The following FRS2 variants were observed in gnomAD, a reference collection of about 807,000 sequenced individuals.
FRS2 encodes FGFR signalling adaptor.
FRS2 carries 8 observed loss-of-function variants against 43.9 expected under a neutral mutation model. That is an observed-to-expected ratio of 0.18 (90% CI 0.11 to 0.33). The LOEUF (loss-of-function observed/expected upper bound fraction) is 0.33, where lower values mean the gene tolerates loss of function less well. FRS2 is among the 10% of genes least tolerant of loss of function. The pLI is 1.00. For synonymous variants in FRS2, 219 were observed against 220.3 expected (o/e 0.99, Z 0.05); for missense variants, 534 against 627.6 (o/e 0.85, Z 1.59).
chr12:69,478,840 G>A (rs890189503), intron 1 of FRS2, among the ~76,000 whole-genome samples: 4 of 151,606 alleles, frequency 2.6e-5, no homozygotes, highest in African/African-American at 9.7e-5. Flanking sequence ...TTTGATGGCC[G>A]TTCATGTTTC....
At chr12:69,554,695 A>G (rs570672684) in intron 3 of FRS2, among the ~76,000 whole-genome samples, 24 of 152,166 alleles carry the variant, frequency 1.6e-4, no homozygotes, top group Admixed American at 1.0e-3. Flanking sequence ...AGGGATACAT[A>G]TTGCATTTAG....
chr12:69,500,650 A>G (rs1245103373), intron 1 of FRS2, among the ~76,000 whole-genome samples: 1 of 152,212 alleles, frequency 6.6e-6, no homozygotes, highest in African/African-American at 2.4e-5. Context: ...ACATTTGTAG[A>G]TACAGGCTTA....
chr12:69,525,713 T>A (rs1026084541), intron 1 of FRS2, among the ~76,000 whole-genome samples: 39 of 152,168 alleles, frequency 2.6e-4, no homozygotes, highest in African/African-American at 8.4e-4. Context: ...GGAGATTATT[T>A]TTTTTTTTTA....
At chr12:69,517,347 G>A (rs1455994301) in intron 1 of FRS2, among the ~76,000 whole-genome samples, 1 of 152,052 alleles carries the variant, frequency 6.6e-6, no homozygotes, top group Non-Finnish European at 1.5e-5. Context: ...TTTAGACTTG[G>A]TCTCATTCCC....
At chr12:69,476,761 G>T (rs1870818212) in intron 1 of FRS2, among the ~76,000 whole-genome samples, 4 of 144,982 alleles carry the variant, frequency 2.8e-5, no homozygotes, top group African/African-American at 7.7e-5. Context: ...GACGGGGGGG[G>T]GTGTGGGGGT....
At chr12:69,472,543 C>T (rs933066532) in intron 1 of FRS2, among the ~76,000 whole-genome samples, 10 of 152,104 alleles carry the variant, frequency 6.6e-5, no homozygotes, top group Non-Finnish European at 1.3e-4. Flanking sequence ...GCAGGTATGA[C>T]AATGTATTTT....
intron 1 of FRS2, among the ~76,000 whole-genome samples, chr12:69,493,617 T>A (rs221100): frequency 0.61 from 92,479 of 152,014 alleles, 29,988 homozygotes; most frequent in African/African-American, 0.85. Context: ...GTTACTTGGG[T>A]GGCTGAGGCA....
intron 1 of FRS2, among the ~76,000 whole-genome samples, chr12:69,519,561 C>A (rs1875416046): frequency 1.3e-5 from 2 of 150,320 alleles, no homozygotes; most frequent in Admixed American, 1.3e-4. Flanking sequence ...TCCTCCCACC[C>A]TCCACCCTCT....
chr12:69,568,038 G>A (rs1269523455), intron 4 of FRS2, among the ~76,000 whole-genome samples: 2 of 151,870 alleles, frequency 1.3e-5, no homozygotes, highest in East Asian at 3.9e-4. Context: ...TTCATATATT[G>A]TCATATTCTA....
At chr12:69,535,199 AAGGAC>A (rs1282754736) in intron 3 of FRS2, among the ~76,000 whole-genome samples, 2 of 152,218 alleles carry the variant, frequency 1.3e-5, no homozygotes. Context: ...ATAATGATTC[AAGGAC>A]AGTGAGAATG....
intron 3 of FRS2, among the ~76,000 whole-genome samples, chr12:69,553,004 A>C (rs1424990155): frequency 1.3e-5 from 2 of 152,200 alleles, no homozygotes; most frequent in Non-Finnish European, 2.9e-5. Context: ...CAAATAATTA[A>C]AAATTATTTT....
chr12:69,495,840 G>A (rs1459105099), intron 1 of FRS2, among the ~76,000 whole-genome samples: 2 of 152,152 alleles, frequency 1.3e-5, no homozygotes, highest in Non-Finnish European at 2.9e-5. Flanking sequence ...GGCTCATAGG[G>A]AGGATTGATT....
At chr12:69,560,624 G>A (rs1322322092) in intron 3 of FRS2, among the ~76,000 whole-genome samples, 2 of 152,150 alleles carry the variant, frequency 1.3e-5, no homozygotes, top group Admixed American at 1.3e-4. Context: ...AATAATGGTA[G>A]TATGTACCTG....
chr12:69,573,584 T>C (rs1216729177), intron 8 of FRS2, among the ~76,000 whole-genome samples: 1 of 152,158 alleles, frequency 6.6e-6, no homozygotes, highest in Non-Finnish European at 1.5e-5. Flanking sequence ...TGCCTCAGCC[T>C]CCAGAGTAGC....
intron 1 of FRS2, among the ~76,000 whole-genome samples, chr12:69,505,377 C>T (rs1233737075): frequency 6.6e-6 from 1 of 152,092 alleles, no homozygotes; most frequent in Admixed American, 6.6e-5. Context: ...ATACTAATTC[C>T]ATAAAATAAA....
chr12:69,506,941 CT>C (rs1298977105), intron 1 of FRS2, among the ~76,000 whole-genome samples: 4 of 152,072 alleles, frequency 2.6e-5, no homozygotes. Flanking sequence ...GGACTGGTAG[CT>C]TTATAAGAAG....
At chr12:69,501,274 T>G (rs1383118571) in intron 1 of FRS2, among the ~76,000 whole-genome samples, 1 of 152,144 alleles carries the variant, frequency 6.6e-6, no homozygotes, top group Non-Finnish European at 1.5e-5. Context: ...GTAGTGTAAT[T>G]GCCAGGACAC....
intron 3 of FRS2, among the ~76,000 whole-genome samples, chr12:69,535,259 CT>C (rs755550059): frequency 5.9e-5 from 9 of 152,188 alleles, no homozygotes; most frequent in Non-Finnish European, 1.3e-4. Flanking sequence ...TAAGATTTTA[CT>C]GTGGGCACCA....
intron 1 of FRS2, among the ~76,000 whole-genome samples, chr12:69,474,497 T>C (rs1473030417): frequency 6.6e-6 from 1 of 152,218 alleles, no homozygotes; most frequent in Non-Finnish European, 1.5e-5. Context: ...ATTTATTTTA[T>C]GCAGTGGGTA....
Sources: gnomAD v4.1 joint callset for allele counts (sites outside exome capture counted in the v4.1 genomes callset) on GRCh38, gnomAD v4.1.1 for gene constraint, MANE v1.5 for transcripts, NCBI Gene and HGNC (gene_info 2026-07-23, HGNC 2026-07-21) for gene names.